AK9: variants seen among roughly 807,000 people sequenced by gnomAD.
AK9 encodes the protein adenylate kinase domain containing 1.
A neutral mutation model predicts 239.6 loss-of-function variants in AK9; 191 were observed. The observed-to-expected ratio is 0.80, with a 90% confidence interval of 0.71 to 0.90. The LOEUF is 0.90. Among genes scored for constraint, AK9 ranks in the 40% least tolerant of loss-of-function variants. The pLI, the probability that AK9 is intolerant of heterozygous loss-of-function variation, is 0.00. For synonymous variants in AK9, 689 were observed against 721.0 expected (o/e 0.96, Z 0.71); for missense variants, 1,995 against 2,214.7 (o/e 0.90, Z 1.99).
chr6:109,540,515 G>A (rs986727133), intron 27 of AK9, among the ~76,000 whole-genome samples: 9 of 152,288 alleles, frequency 5.9e-5, no homozygotes, highest in African/African-American at 1.9e-4. Flanking sequence ...GCTTCCCGTG[G>A]CTAGGAAAGG....
intron 12 of AK9, among the ~76,000 whole-genome samples, chr6:109,620,810 T>C (rs1052150790): frequency 1.3e-5 from 2 of 151,236 alleles, no homozygotes; most frequent in Non-Finnish European, 1.5e-5. Context: ...TATATACTAT[T>C]CATACATATA....
intron 27 of AK9, among the ~76,000 whole-genome samples, chr6:109,534,341 T>C (rs1319948861): frequency 6.7e-6 from 1 of 150,200 alleles, no homozygotes; most frequent in Non-Finnish European, 1.5e-5. Flanking sequence ...AGAGCACTTA[T>C]AAAACAACCA....
chr6:109,590,150 T>G (rs1210357569), intron 17 of AK9, among the ~76,000 whole-genome samples: 5 of 152,158 alleles, frequency 3.3e-5, no homozygotes, highest in Non-Finnish European at 7.4e-5. Flanking sequence ...GTAGCAGTTC[T>G]TCCTTCAACA....
At chr6:109,614,344 G>C (rs1209155857) in intron 14 of AK9, 41 bp downstream of exon 14, 1 of 1,547,624 alleles carries the variant, frequency 6.5e-7, no homozygotes, top group Non-Finnish European at 8.7e-7. Context: ...ATTTATATTA[G>C]GGATGATTTG....
At chr6:109,624,985 GTTCT>G (rs1279475992) in intron 12 of AK9, among the ~76,000 whole-genome samples, 1 of 151,412 alleles carries the variant, frequency 6.6e-6, no homozygotes, top group East Asian at 1.9e-4. Context: ...CTTTTTTAAT[GTTCT>G]TTCATCTTGC....
At chr6:109,531,345 G>A (rs528475572) in intron 28 of AK9, among the ~76,000 whole-genome samples, 27 of 152,158 alleles carry the variant, frequency 1.8e-4, no homozygotes, top group Non-Finnish European at 2.6e-4. Flanking sequence ...CTGAGATAGA[G>A]TTATTGGGTG....
At position 109,533,351 on chromosome 6, in the gene AK9, AAAATATCTTGATCATCAACTTGTAT is replaced by A; in HGVS notation, c.3445_3469del (p.Ile1149LeufsTer14). 2.5e-6 allele frequency: 4 copies of A among 1,611,984 alleles called. No homozygotes were observed. Among genetic ancestry groups the A allele is most frequent in the Non-Finnish European group, 3.4e-6 (4 of 1,179,168 alleles). On this transcript the variant is annotated frameshift_variant, in exon 28 of 41. Coordinates refer to ENST00000424296, the MANE Select transcript of AK9 (RefSeq NM_001145128.3). LOFTEE classifies it high-confidence loss of function. ...AATTTGGGCAGGAAGGAGGCGATCA[AAAATATCTTGATCATCAACTTGTAT>A]AAAAACAGCTGCATCTGGGAAAAAT...
chr6:109,674,836 C>T (rs1272536159), intron 2 of AK9, among the ~76,000 whole-genome samples: 1 of 152,156 alleles, frequency 6.6e-6, no homozygotes, highest in Non-Finnish European at 1.5e-5. Flanking sequence ...TTTATTGGTA[C>T]CTGTCCCAGG....
intron 17 of AK9, among the ~76,000 whole-genome samples, chr6:109,589,520 G>T (rs1252163609): frequency 6.6e-6 from 1 of 152,096 alleles, no homozygotes; most frequent in Non-Finnish European, 1.5e-5. Flanking sequence ...CAACAGTAGA[G>T]ATTATTTGAG....
chr6:109,592,446 C>CTT (rs55998817), intron 17 of AK9, among the ~76,000 whole-genome samples: 1,502 of 126,756 alleles, frequency 0.012, 42 homozygotes, highest in African/African-American at 0.026. Context: ...AATGGGATTT[C>CTT]TTTTTTTTTT....
intron 10 of AK9, 90 bp from the exon 11 acceptor site, chr6:109,633,413 C>T (rs970556626): frequency 5.3e-6 from 7 of 1,324,512 alleles, no homozygotes; most frequent in African/African-American, 1.5e-5. Flanking sequence ...TTTTATAGTG[C>T]TTTACTATTT....
chr6:109,591,229 G>T (rs1257873774), intron 17 of AK9, among the ~76,000 whole-genome samples: 2 of 151,956 alleles, frequency 1.3e-5, no homozygotes, highest in African/African-American at 4.8e-5. Flanking sequence ...ATTTAGAAAT[G>T]ACATTTTTCT....
chr6:109,627,628 T>C (rs1273020120), intron 12 of AK9, among the ~76,000 whole-genome samples: 1 of 151,318 alleles, frequency 6.6e-6, no homozygotes, highest in Admixed American at 6.6e-5. Flanking sequence ...ATGCAGCACA[T>C]AACTGTATTG....
chr6:109,501,078 C>T (rs79674254), intron 35 of AK9, among the ~76,000 whole-genome samples: 11 of 152,238 alleles, frequency 7.2e-5, no homozygotes, highest in Middle Eastern at 3.4e-3. Context: ...ACCCTGTAAT[C>T]GATAAGATGA....
chr6:109,563,898 G>T (rs1786120063), intron 23 of AK9, among the ~76,000 whole-genome samples, 182 bp downstream of exon 23: 1 of 152,162 alleles, frequency 6.6e-6, no homozygotes, highest in Admixed American at 6.6e-5. Context: ...AGGTGTTTGG[G>T]CCACATAGCT....
intron 1 of AK9, among the ~76,000 whole-genome samples, chr6:109,683,349 T>G (rs745428388): frequency 3.2e-4 from 48 of 152,304 alleles, no homozygotes; most frequent in Non-Finnish European, 1.6e-4. Flanking sequence ...AAAACAAGGA[T>G]GCCCACTCTC....
intron 24 of AK9, among the ~76,000 whole-genome samples, chr6:109,554,780 C>T (rs1232182717): frequency 6.6e-6 from 1 of 152,100 alleles, no homozygotes; most frequent in East Asian, 1.9e-4. Context: ...GATCTGCCCG[C>T]CTTGGCCTTC....
At position 109,542,124 on chromosome 6, in the gene AK9, A is replaced by C; in HGVS notation, c.3273T>G (p.Ser1091Arg). The change falls in exon 27 of 41, where the codon AGT (serine) becomes AGG (arginine). Residue 1091 changes from serine to arginine, a missense_variant. Physicochemically the swap from Ser to Arg is moderately radical, Grantham distance 110 (BLOSUM62 -1). Coordinates refer to ENST00000424296, the MANE Select transcript of AK9 (RefSeq NM_001145128.3). ...LTEEEEVIKS[S>R]LMENEPLPPE... The stretch of plus-strand genomic sequence containing the variant: ...GAGGCAAGGGCTCATTTTCCATTAG[A>C]CTTGATTTGATTACTTCTTCTTCTT... 6.2e-7 allele frequency: 1 copy of C among 1,607,590 alleles called. No homozygotes were observed.
At position 109,542,173 on chromosome 6, in the gene AK9, TA is replaced by T; in HGVS notation, c.3226-3del. The T allele has an allele frequency of 6.3e-7, 1 of 1,582,464 alleles. No individual in the cohort carries two copies. Among genetic ancestry groups the T allele is most frequent in the Non-Finnish European group, 8.6e-7 (1 of 1,168,848 alleles). ...TTCTGTAAGTTGTACTTCTGGAAGCTAAAAACAAAAATCAGAAAACAAAACA... is the reference window on the plus strand; with the variant it reads ...TTCTGTAAGTTGTACTTCTGGAAGCTAAAACAAAAATCAGAAAACAAAACA... On this transcript the variant is annotated splice_region_variant and splice_polypyrimidine_tract_variant and intron_variant, in intron 26 of 40. Coordinates refer to ENST00000424296, the MANE Select transcript of AK9 (RefSeq NM_001145128.3).
Sources: gnomAD v4.1 joint callset for allele counts (sites outside exome capture counted in the v4.1 genomes callset) on GRCh38, gnomAD v4.1.1 for gene constraint, MANE v1.5 for transcripts, NCBI Gene and HGNC (gene_info 2026-07-23, HGNC 2026-07-21) for gene names.